TMTC2: variants seen among roughly 807,000 people sequenced by gnomAD.
The protein encoded by TMTC2 is protein O-mannosyl-transferase TMTC2.
TMTC2 carries 43 observed loss-of-function variants against 82.4 expected under a neutral mutation model. The observed-to-expected ratio is 0.52, with a 90% CI of 0.41 to 0.67. The LOEUF (loss-of-function observed/expected upper bound fraction) is 0.67, where lower values mean the gene tolerates loss of function less well. Ranked by LOEUF, TMTC2 falls within the 30% of genes least tolerant of loss-of-function variation. The pLI, the probability that TMTC2 is intolerant of heterozygous loss-of-function variation, is 0.00. For synonymous variants in TMTC2, 408 were observed against 381.9 expected, an observed-to-expected ratio of 1.07 and a Z score of -0.80; for missense variants, 919 against 1,012.4, an observed-to-expected ratio of 0.91 and a Z score of 1.25.
At chr12:82,971,140 G>T (rs1794714101) in intron 7 of TMTC2, among the ~76,000 whole-genome samples, 1 of 151,866 alleles carries the variant, frequency 6.6e-6, no homozygotes, top group Non-Finnish European at 1.5e-5. Context: ...TCTTTAATAA[G>T]ATAAAAATTA....
intron 1 of TMTC2, among the ~76,000 whole-genome samples, chr12:82,755,255 A>G (rs924636624): frequency 1.3e-5 from 2 of 152,198 alleles, no homozygotes; most frequent in African/African-American, 4.8e-5. Context: ...ATTGCAAAGA[A>G]ACTGATTGTG....
At chr12:82,965,151 A>G (rs2403023) in intron 5 of TMTC2, 42 bp downstream of exon 5, 969,636 of 1,410,504 alleles carry the variant, frequency 0.69, 338,796 homozygotes, top group East Asian at 0.83. Flanking sequence ...ACCTCTTTCC[A>G]TATTTGAAAA....
chr12:82,899,696 AAATATATATATGTGGAATATATATATAAG>A lies in TMTC2; in HGVS notation c.1483+3078_1483+3106del, dbSNP rs1305135627. ...ATATGTGGAATATATATATATAAGA[AAATATATATATGTGGAATATATATATAAG>A]AATATATATATGTGGAATATATATA... On this transcript the variant is annotated intron_variant, in intron 3 of 11. Transcript: ENST00000321196. 6.4e-4 allele frequency among the ~76,000 whole-genome samples: 84 copies of A among 130,238 alleles called. 1 individual carries two copies. In the South Asian group the frequency reaches 0.016, roughly 25 times the overall value. 85.4% of individuals were successfully genotyped at this position (130,238 alleles called of 152,430 possible). A position where few individuals can be genotyped will look rare whatever the true frequency, so the allele number is the denominator to read the frequency against.
chr12:82,741,603 G>A (rs1875413022), intron 1 of TMTC2, among the ~76,000 whole-genome samples: 1 of 152,098 alleles, frequency 6.6e-6, no homozygotes, highest in Admixed American at 6.6e-5. Flanking sequence ...GCCACCACAC[G>A]CAGCTGGTGC....
intron 1 of TMTC2, among the ~76,000 whole-genome samples, chr12:82,839,027 A>G (rs1218938795): frequency 6.6e-6 from 1 of 152,186 alleles, no homozygotes; most frequent in Non-Finnish European, 1.5e-5. Context: ...CTGAGGCTGC[A>G]TGCCTTATCT....
chr12:82,767,377 C>T (rs1294169267), intron 1 of TMTC2, among the ~76,000 whole-genome samples: 1 of 152,090 alleles, frequency 6.6e-6, no homozygotes, highest in Admixed American at 6.6e-5. Context: ...TGAGTCCAGG[C>T]ATTTGAGACC....
intron 9 of TMTC2, among the ~76,000 whole-genome samples, chr12:83,045,570 G>T (rs77502353): frequency 6.6e-6 from 1 of 152,016 alleles, no homozygotes; most frequent in Non-Finnish European, 1.5e-5. Flanking sequence ...AAAGTAAACT[G>T]ATATTCAATG....
intron 11 of TMTC2, among the ~76,000 whole-genome samples, chr12:83,079,682 G>A (rs1883399512): frequency 6.6e-6 from 1 of 152,034 alleles, no homozygotes; most frequent in Non-Finnish European, 1.5e-5. Context: ...AATAATACCA[G>A]AAGTTATAGA....
At chr12:82,938,493 T>C (rs1165449616) in intron 4 of TMTC2, among the ~76,000 whole-genome samples, 2 of 152,092 alleles carry the variant, frequency 1.3e-5, no homozygotes, top group East Asian at 1.9e-4. Flanking sequence ...GGTAAGCCGA[T>C]TGGTCTCCTA....
At chr12:82,721,315 T>C (rs1005431383) in intron 1 of TMTC2, among the ~76,000 whole-genome samples, 4 of 152,230 alleles carry the variant, frequency 2.6e-5, no homozygotes, top group Non-Finnish European at 5.9e-5. Flanking sequence ...GCTCATATTT[T>C]TGCAGTTTTC....
intron 4 of TMTC2, among the ~76,000 whole-genome samples, chr12:82,937,767 T>TATATATATATATATATAC (rs1876436963): frequency 4.9e-5 from 1 of 20,350 alleles, no homozygotes; most frequent in African/African-American, 1.7e-4. Flanking sequence ...TATATATATA[T>TATATATATATATATATAC]ATATATATAT....
chr12:82,715,412 G>T (rs1362389839), intron 1 of TMTC2, among the ~76,000 whole-genome samples: 1 of 152,174 alleles, frequency 6.6e-6, no homozygotes. Context: ...AGATGGGAAA[G>T]TGTGGATGAT....
chr12:82,899,401 T>C (rs187711944), intron 3 of TMTC2, among the ~76,000 whole-genome samples: 68 of 151,846 alleles, frequency 4.5e-4, no homozygotes, highest in Non-Finnish European at 7.2e-4. Flanking sequence ...ATCCATTCCA[T>C]CAGCAGATCC....
rs1264273024 is a variant in TMTC2 at position 82,937,770 on chromosome 12, A to G, written c.1598+7225A>G. 3.1e-3 allele frequency among the ~76,000 whole-genome samples: 69 copies of G among 22,362 alleles called. 1 individual carries two copies. The South Asian group carries it at 0.075, about 24-fold the overall frequency. The allele number at this position is 22,362 out of a possible 152,430, so 14.7% of individuals were successfully genotyped here. On this transcript the variant is annotated intron_variant, in intron 4 of 11. Coordinates refer to ENST00000321196, the MANE Select transcript of TMTC2 (RefSeq NM_152588.3). ...TGTGTGTATATATATATATATATAT[A>G]TATATATATATATATATATATATAT...
chr12:82,873,419 C>T (rs1420779235), intron 2 of TMTC2, among the ~76,000 whole-genome samples: 1 of 152,034 alleles, frequency 6.6e-6, no homozygotes. Context: ...TTTGAGTAAT[C>T]AGGATATCTT....
chr12:82,949,553 C>A (rs1297889379), intron 4 of TMTC2, among the ~76,000 whole-genome samples: 1 of 152,166 alleles, frequency 6.6e-6, no homozygotes, highest in East Asian at 1.9e-4. Context: ...CAGAGCATGT[C>A]TTTGGCTTTA....
intron 11 of TMTC2, among the ~76,000 whole-genome samples, chr12:83,118,349 A>G (rs1181003360): frequency 6.6e-6 from 1 of 152,130 alleles, no homozygotes; most frequent in Non-Finnish European, 1.5e-5. Context: ...TGTCCTTTGT[A>G]TGCCGATTTT....
intron 7 of TMTC2, among the ~76,000 whole-genome samples, chr12:82,967,410 A>T (rs575409578): frequency 1.1e-3 from 169 of 152,254 alleles, no homozygotes; most frequent in African/African-American, 3.8e-3. Flanking sequence ...TAATATTAAT[A>T]ATAAAAACAA....
At chr12:82,791,188 T>G (rs545555269) in intron 1 of TMTC2, among the ~76,000 whole-genome samples, 13 of 152,278 alleles carry the variant, frequency 8.5e-5, no homozygotes, top group Non-Finnish European at 4.4e-5. Flanking sequence ...TTCCAATTCT[T>G]GAGCTTTTTA....
Sources: gnomAD v4.1 joint callset for allele counts (sites outside exome capture counted in the v4.1 genomes callset) on GRCh38, gnomAD v4.1.1 for gene constraint, MANE v1.5 for transcripts, NCBI Gene and HGNC (gene_info 2026-07-23, HGNC 2026-07-21) for gene names.